Variants in IL21R observed in about 807,000 individuals in gnomAD.
IL21R encodes the protein interleukin-21 receptor.
IL21R carries 14 observed loss-of-function variants against 41.3 expected under a neutral mutation model. The observed-to-expected ratio is 0.34, with a 90% confidence interval of 0.22 to 0.53. IL21R has a LOEUF of 0.53. Among genes scored for constraint, IL21R ranks in the 20% least tolerant of loss-of-function variants. The pLI, the probability that IL21R is intolerant of heterozygous loss-of-function variation, is 0.94. For missense variants in IL21R, 588 were observed against 681.6 expected (o/e 0.86, Z 1.53); for synonymous variants, 286 against 287.6 (o/e 0.99, Z 0.05).
At chr16:27,444,279 C>G (rs2087439180) in intron 5 of IL21R, among the ~76,000 whole-genome samples, 1 of 152,006 alleles carries the variant, frequency 6.6e-6, no homozygotes, top group Non-Finnish European at 1.5e-5. Context: ...CAGGGAGAGT[C>G]CACTGCCAGG....
At chr16:27,427,201 C>A in intron 1 of IL21R, 1 of 736,878 alleles carries the variant, frequency 1.4e-6, no homozygotes, top group Non-Finnish European at 1.7e-6. Flanking sequence ...ATTGGCCAAG[C>A]CTGGGTCAGG....
intron 1 of IL21R, among the ~76,000 whole-genome samples, chr16:27,418,219 G>A (rs984831839): frequency 5.3e-5 from 8 of 151,114 alleles, no homozygotes; most frequent in African/African-American, 1.9e-4. Flanking sequence ...ACAGGCGCCT[G>A]CCACTGCGCC....
Position 27,430,064 on chromosome 16 carries a change from G to T in IL21R, c.-8G>T, listed in dbSNP as rs945109954. On this transcript the variant is annotated 5_prime_UTR_variant, in exon 2 of 9. Coordinates refer to ENST00000337929, the MANE Select transcript of IL21R (RefSeq NM_181078.3). Reference sequence around the variant, plus strand: ...CTGTACGTCTCTTGCAGGCCCGTGGGAGTCAGCATGCCGCGTGGCTGGGCC... The same window carrying T: ...CTGTACGTCTCTTGCAGGCCCGTGGTAGTCAGCATGCCGCGTGGCTGGGCC... 6.2e-7 allele frequency: 1 copy of T among 1,606,452 alleles called. No individual in the cohort carries two copies. Among genetic ancestry groups the T allele is most frequent in the East Asian group, 2.2e-5 (1 of 44,848 alleles).
intron 3 of IL21R, among the ~76,000 whole-genome samples, chr16:27,435,434 T>TTTTTATTTTA (rs377373260): frequency 3.2e-4 from 49 of 151,254 alleles, no homozygotes; most frequent in African/African-American, 8.0e-4. Context: ...TGCTTTCTCT[T>TTTTTATTTTA]TTTTATTTTA....
chr16:27,444,853 T>C, intron 6 of IL21R, 134 bp downstream of exon 6: 1 of 849,894 alleles, frequency 1.2e-6, no homozygotes, highest in Non-Finnish European at 1.7e-6. Context: ...GCCCTTCAAT[T>C]ACATTTCTAG....
chr16:27,432,336 CAT>C (rs759922039), intron 2 of IL21R, among the ~76,000 whole-genome samples: 1 of 152,202 alleles, frequency 6.6e-6, no homozygotes, highest in Non-Finnish European at 1.5e-5. Context: ...TTTTGAGTCA[CAT>C]GTTTGCAGTC....
Position 27,430,182 on chromosome 16 carries a change from C to T in IL21R, c.49+62C>T, listed in dbSNP as rs116325424. The T allele has an allele frequency of 2.0e-6, 3 of 1,470,682 alleles. No homozygotes were observed. In the East Asian group the frequency reaches 6.9e-5, roughly 34 times the overall value. The allele number at this position is 1,470,682 out of a possible 1,614,324, so 91.1% of individuals were successfully genotyped here. A position where few individuals can be genotyped will look rare whatever the true frequency, so the allele number is the denominator to read the frequency against. ...CCCCCATCACAGAGCTGAGCCAGGG[C>T]CGGGCTGGCTTTCTGGGCTCAAAAA... is the stretch of plus-strand genomic sequence containing the variant. On this transcript the variant is annotated intron_variant, in intron 2 of 8. Transcript: ENST00000337929.
At chr16:27,444,439 C>T in intron 5 of IL21R, 103 bp from the exon 6 acceptor site, 2 of 745,022 alleles carry the variant, frequency 2.7e-6, no homozygotes, top group Non-Finnish European at 4.0e-6. Context: ...AGAAGAGACA[C>T]TCAGCCCCTT....
At chr16:27,437,002 A>G (rs1222099776) in intron 3 of IL21R, among the ~76,000 whole-genome samples, 1 of 152,116 alleles carries the variant, frequency 6.6e-6, no homozygotes, top group African/African-American at 2.4e-5. Context: ...TGAGCCTGGG[A>G]AGGTCGAGGC....
Position 27,444,588 on chromosome 16 carries a change from T to A in IL21R, c.554T>A (p.Leu185His). ...TCAGTGGACTCAAGAAGTGTCTCCC[T>A]CCTCCCCCTGGAGTTCCGCAAAGAC... ...LISVDSRSVSLLPLEFRKDSS... is the reference protein window; with the variant it reads ...LISVDSRSVSHLPLEFRKDSS... The change falls in exon 6 of 9, where the codon CTC becomes CAC. Residue 185 changes from leucine to histidine, a missense_variant. By Grantham distance (99) the Leu-to-His change is moderately conservative. Coordinates refer to ENST00000337929, the MANE Select transcript of IL21R (RefSeq NM_181078.3). 6.4e-7 allele frequency: 1 copy of A among 1,571,074 alleles called. No individual in the cohort carries two copies. The highest frequency in any genetic ancestry group is 1.2e-5 in the South Asian group (1 of 84,594).
At position 27,451,747 on chromosome 16, in the gene IL21R, G is replaced by A; in HGVS notation, c.*2464G>A. 4.3e-6 allele frequency: 1 copy of A among 230,014 alleles called. No individual in the cohort carries two copies. The highest frequency in any genetic ancestry group is 8.6e-6 in the Non-Finnish European group (1 of 115,976). 14.2% of individuals were successfully genotyped at this position (230,014 alleles called of 1,614,324 possible). ...AAAATAAAAGTTGGAGACAAGAGCT[G>A]GCTCACCTGAAAGGAGGGATTAGTA... On this transcript the variant is annotated 3_prime_UTR_variant, in exon 9 of 9. Coordinates refer to ENST00000337929, the MANE Select transcript of IL21R (RefSeq NM_181078.3).
At chr16:27,421,371 A>AT (rs1363189254) in intron 1 of IL21R, among the ~76,000 whole-genome samples, 7 of 134,296 alleles carry the variant, frequency 5.2e-5, no homozygotes, top group Non-Finnish European at 7.9e-5. Context: ...GCCAGCTGGG[A>AT]TTTTTTATAG....
intron 3 of IL21R, among the ~76,000 whole-genome samples, chr16:27,436,259 C>A (rs2087268167): frequency 6.6e-6 from 1 of 152,228 alleles, no homozygotes; most frequent in Non-Finnish European, 1.5e-5. Flanking sequence ...ATACTGGGTG[C>A]TATATCAAGG....
intron 7 of IL21R, 123 bp downstream of exon 7, chr16:27,445,399 A>G: frequency 4.4e-6 from 3 of 687,164 alleles, no homozygotes; most frequent in Non-Finnish European, 7.8e-6. Context: ...TGGGATAATA[A>G]CCAACTCACA....
At position 27,402,428 on chromosome 16, in the gene IL21R, C is replaced by A. The variant is rs1212160344; in HGVS notation, c.-207C>A. ...GCCTGGAGGCCCAGCTGCCCGTCAT[C>A]AGAGTGACAGGTCTTATGACAGCCT... On this transcript the variant is annotated 5_prime_UTR_variant, in exon 1 of 9. Coordinates refer to ENST00000337929, the MANE Select transcript of IL21R (RefSeq NM_181078.3). 1 of 152,664 alleles carries A rather than the reference C, an allele frequency of 6.6e-6. No individual in the cohort carries two copies. Among genetic ancestry groups the A allele is most frequent in the Non-Finnish European group, 1.5e-5 (1 of 68,270 alleles). The allele number at this position is 152,664 out of a possible 1,614,324, so 9.5% of individuals were successfully genotyped here.
Position 27,421,162 on chromosome 16 carries a change from A to T in IL21R, c.-16-8894A>T, listed in dbSNP as rs139220975. Among the ~76,000 whole-genome samples, 92 of 152,208 alleles carry T rather than the reference A, an allele frequency of 6.0e-4. 1 individual carries two copies. The highest frequency in any genetic ancestry group is 1.1e-3 in the Non-Finnish European group (73 of 67,978). On this transcript the variant is annotated intron_variant, in intron 1 of 8. Coordinates refer to ENST00000337929, the MANE Select transcript of IL21R (RefSeq NM_181078.3). ...CTGAACTCTCAGTTCAATCCCATTGATCTATATGTACATCTATGTGTCAGT... is the reference window on the plus strand; with the variant it reads ...CTGAACTCTCAGTTCAATCCCATTGTTCTATATGTACATCTATGTGTCAGT...
At chr16:27,436,569 A>G (rs1403755317) in intron 3 of IL21R, among the ~76,000 whole-genome samples, 1 of 152,254 alleles carries the variant, frequency 6.6e-6, no homozygotes, top group East Asian at 1.9e-4. Context: ...GGTCATGTTC[A>G]GATCCTGAAC....
intron 1 of IL21R, among the ~76,000 whole-genome samples, chr16:27,413,829 C>T (rs975898820): frequency 6.6e-6 from 1 of 151,790 alleles, no homozygotes; most frequent in African/African-American, 2.4e-5. Context: ...TTTGAGTCTT[C>T]TCTCTTTTTT....
At chr16:27,422,093 C>T (rs76678990) in intron 1 of IL21R, among the ~76,000 whole-genome samples, 9,341 of 152,066 alleles carry the variant, frequency 0.061, 304 homozygotes, top group African/African-American at 0.082. Flanking sequence ...GAAATTTCAG[C>T]ATTGAAAGAA....
Sources: gnomAD v4.1 joint callset for allele counts (sites outside exome capture counted in the v4.1 genomes callset) on GRCh38, gnomAD v4.1.1 for gene constraint, MANE v1.5 for transcripts, NCBI Gene and HGNC (gene_info 2026-07-23, HGNC 2026-07-21) for gene names.